DOCK1: variants seen among roughly 807,000 people sequenced by gnomAD.
DOCK1 encodes the protein dedicator of cytokinesis 1, also known as dedicator of cytokinesis protein 1.
In DOCK1, 138 loss-of-function variants were observed where a neutral mutation model predicts 262.7. The observed-to-expected ratio is 0.53, with a 90% CI of 0.46 to 0.61. The LOEUF (loss-of-function observed/expected upper bound fraction) is 0.61, where lower values mean the gene tolerates loss of function less well. Ranked by LOEUF, DOCK1 falls within the 20% of genes least tolerant of loss-of-function variation. The pLI, the probability that DOCK1 is intolerant of heterozygous loss-of-function variation, is 0.00. For missense variants in DOCK1, 1,908 were observed against 2,370.7 expected (o/e 0.80, Z 4.05); for synonymous variants, 866 against 867.4 (o/e 1.00, Z 0.03).
intron 27 of DOCK1, among the ~76,000 whole-genome samples, chr10:127,227,380 G>A (rs1488696415): frequency 6.6e-6 from 1 of 152,192 alleles, no homozygotes; most frequent in African/African-American, 2.4e-5. Context: ...CAGTGCCTTG[G>A]AACGAGGTAT....
chr10:127,377,148 G>A (rs2065542040), intron 35 of DOCK1, among the ~76,000 whole-genome samples: 1 of 152,132 alleles, frequency 6.6e-6, no homozygotes, highest in South Asian at 2.1e-4. Context: ...ATGATAAAAT[G>A]GATCCCAACT....
rs2033180859 is a variant in DOCK1 at position 126,921,387 on chromosome 10, G to A, written c.46+15824G>A. Among the ~76,000 whole-genome samples the A allele has an allele frequency of 2.0e-5, 3 of 152,180 alleles. No homozygotes were observed. The South Asian group carries it at 6.2e-4, about 32-fold the overall frequency. ...TGAAAAGGAATGAAACACCGATCAT[G>A]CTACAGCATGGGTGAACCTTGAAAA... On this transcript the variant is annotated intron_variant, in intron 1 of 51. Transcript: ENST00000623213.
intron 27 of DOCK1, among the ~76,000 whole-genome samples, chr10:127,160,251 T>C (rs1464313473): frequency 1.3e-5 from 2 of 152,204 alleles, no homozygotes; most frequent in Non-Finnish European, 2.9e-5. Context: ...CAGTACCTAA[T>C]AGTAATTACA....
chr10:127,212,663 T>G (rs926485572), intron 27 of DOCK1, among the ~76,000 whole-genome samples: 9 of 152,032 alleles, frequency 5.9e-5, no homozygotes, highest in Non-Finnish European at 1.3e-4. Context: ...GAGTGTTGTT[T>G]TTTTTTTCTC....
At chr10:127,196,513 G>A (rs1237973280) in intron 27 of DOCK1, among the ~76,000 whole-genome samples, 1 of 147,948 alleles carries the variant, frequency 6.8e-6, no homozygotes, top group Non-Finnish European at 1.5e-5. Context: ...CGCGGAGCCG[G>A]GCGGCCAGAG....
intron 1 of DOCK1, among the ~76,000 whole-genome samples, chr10:126,962,105 C>T (rs2037270001): frequency 6.6e-6 from 1 of 152,178 alleles, no homozygotes; most frequent in Non-Finnish European, 1.5e-5. Flanking sequence ...TCAATCCATT[C>T]CCCTGCCTCA....
At chr10:127,125,797 G>T (rs2049914917) in intron 26 of DOCK1, among the ~76,000 whole-genome samples, 196 bp downstream of exon 26, 1 of 152,014 alleles carries the variant, frequency 6.6e-6, no homozygotes. Flanking sequence ...TTATCCTTTT[G>T]CATTGAAAAT....
intron 29 of DOCK1, among the ~76,000 whole-genome samples, chr10:127,335,783 C>T (rs533412231): frequency 4.6e-5 from 7 of 151,500 alleles, no homozygotes; most frequent in Admixed American, 3.3e-4. Context: ...GGTGCAATCT[C>T]GGCTCATTGC....
chr10:127,193,365 C>T (rs2483869), intron 27 of DOCK1, among the ~76,000 whole-genome samples: 124,301 of 152,164 alleles, frequency 0.82, 51,229 homozygotes, highest in South Asian at 0.92. Flanking sequence ...ATGCTATGGA[C>T]GCGTTGAACA....
chr10:127,282,641 G>T (rs949592713), intron 29 of DOCK1, among the ~76,000 whole-genome samples: 4 of 152,190 alleles, frequency 2.6e-5, no homozygotes, highest in Non-Finnish European at 5.9e-5. Context: ...GCACACACCC[G>T]CCTCTCCGTT....
Position 127,095,661 on chromosome 10 carries a change from C to CTGTGTGTGTGTGTGTGTGTG in DOCK1, c.2446-10559_2446-10540dup, listed in dbSNP as rs61224822. Among the ~76,000 whole-genome samples the CTGTGTGTGTGTGTGTGTGTG allele has an allele frequency of 1.1e-3, 168 of 148,180 alleles. 1 individual carries two copies. Among genetic ancestry groups the CTGTGTGTGTGTGTGTGTGTG allele is most frequent in the African/African-American group, 3.9e-3 (158 of 40,270 alleles). On this transcript the variant is annotated intron_variant, in intron 23 of 51. Coordinates refer to ENST00000623213, the MANE Select transcript of DOCK1 (RefSeq NM_001290223.2). Reference sequence around the variant, plus strand: ...TGACACAACCACGTGGGCCAGGAAGCTGTGTGTGTGTGTGTGTGTGTGTGT... The same window carrying CTGTGTGTGTGTGTGTGTGTG: ...TGACACAACCACGTGGGCCAGGAAGCTGTGTGTGTGTGTGTGTGTGTGTGTGTGTGTGTGTGTGTGTGTGT...
At chr10:126,969,810 G>A (rs1049323215) in intron 1 of DOCK1, among the ~76,000 whole-genome samples, 1 of 152,104 alleles carries the variant, frequency 6.6e-6, no homozygotes, top group African/African-American at 2.4e-5. Context: ...CACATGACAT[G>A]GTTTAATTTT....
At chr10:127,367,394 C>T (rs1328538968) in intron 33 of DOCK1, among the ~76,000 whole-genome samples, 6 of 152,088 alleles carry the variant, frequency 3.9e-5, no homozygotes, top group African/African-American at 7.2e-5. Context: ...CTCTTGGTGG[C>T]GGGATGGGGT....
At chr10:127,328,636 G>GAGGGATGGC (rs1250502897) in intron 29 of DOCK1, among the ~76,000 whole-genome samples, 6 of 152,146 alleles carry the variant, frequency 3.9e-5, no homozygotes, top group Non-Finnish European at 8.8e-5. Flanking sequence ...GCAGGGACGA[G>GAGGGATGGC]AGGGATGGCA....
At chr10:127,355,391 C>A (rs763930109) in intron 32 of DOCK1, among the ~76,000 whole-genome samples, 4 of 152,136 alleles carry the variant, frequency 2.6e-5, no homozygotes, top group Non-Finnish European at 4.4e-5. Context: ...CTTTACACTA[C>A]CCTCTAGGAA....
rs1212278173 is a variant in DOCK1, at chr10:127,439,068, G to C, written c.5102G>C (p.Arg1701Thr). 3 of 1,556,060 alleles carry C rather than the reference G, an allele frequency of 1.9e-6. No homozygotes were observed. The highest frequency in any genetic ancestry group is 2.6e-6 in the Non-Finnish European group (3 of 1,149,502). ...CTCCTGCCAAAGAAAATGCACTCCAGGTCCCAGGACAAGCTGGACAAGGAT... is the reference window on the plus strand; with the variant it reads ...CTCCTGCCAAAGAAAATGCACTCCACGTCCCAGGACAAGCTGGACAAGGAT... ...EPLLPKKMHS[R>T]SQDKLDKDDL... Residue 1701 changes from arginine (R) to threonine (T), a missense_variant, in exon 49 of 52, where the codon AGG becomes ACG. By Grantham distance (71) the Arg-to-Thr change is moderately conservative. Transcript: ENST00000623213.
chr10:127,235,234 C>T (rs1215531339), intron 27 of DOCK1, among the ~76,000 whole-genome samples: 1 of 151,858 alleles, frequency 6.6e-6, no homozygotes, highest in Non-Finnish European at 1.5e-5. Context: ...TTTTGACAGA[C>T]AATACAGTTG....
intron 24 of DOCK1, 53 bp downstream of exon 24, chr10:127,106,354 C>A: frequency 2.6e-6 from 4 of 1,547,438 alleles, no homozygotes; most frequent in Non-Finnish European, 1.8e-6. Flanking sequence ...TGACCTCCTT[C>A]TCAGTGTGCT....
chr10:127,131,352 C>T (rs1341613045), intron 27 of DOCK1, among the ~76,000 whole-genome samples: 2 of 152,174 alleles, frequency 1.3e-5, no homozygotes, highest in South Asian at 2.1e-4. Flanking sequence ...CCAATTCCAC[C>T]ATCTCTAAGA....
Sources: gnomAD v4.1 joint callset for allele counts (sites outside exome capture counted in the v4.1 genomes callset) on GRCh38, gnomAD v4.1.1 for gene constraint, MANE v1.5 for transcripts, NCBI Gene and HGNC (gene_info 2026-07-23, HGNC 2026-07-21) for gene names.